The following CAMK2A variants were observed in gnomAD, a reference collection of about 807,000 sequenced individuals.
The protein encoded by CAMK2A is calcium/calmodulin dependent protein kinase II alpha, also known as calcium/calmodulin-dependent protein kinase type II subunit alpha.
In CAMK2A, 7 loss-of-function variants were observed where a neutral mutation model predicts 79.2. That is an observed-to-expected ratio of 0.09 (90% CI 0.05 to 0.17). CAMK2A has a LOEUF of 0.17. Ranked by LOEUF, CAMK2A falls within the 10% of genes least tolerant of loss-of-function variation. The pLI is 1.00. For synonymous variants in CAMK2A, 242 were observed against 251.7 expected (o/e 0.96, Z 0.36); for missense variants, 214 against 646.4 (o/e 0.33, Z 7.25).
chr5:150,250,135 A>G (rs1406505671), intron 11 of CAMK2A, 91 bp downstream of exon 11: 1 of 924,722 alleles, frequency 1.1e-6, no homozygotes, highest in Non-Finnish European at 1.8e-6. Context: ...TCAATGAAGG[A>G]AAGAATTAGT....
chr5:150,260,043 G>A (rs183526039), intron 3 of CAMK2A, among the ~76,000 whole-genome samples: 9 of 152,164 alleles, frequency 5.9e-5, no homozygotes, highest in African/African-American at 2.2e-4. Context: ...CCACTACCTA[G>A]GTTCTATCAT....
intron 12 of CAMK2A, among the ~76,000 whole-genome samples, chr5:150,246,709 T>A (rs1580917158): frequency 6.6e-6 from 1 of 152,040 alleles, no homozygotes; most frequent in Admixed American, 6.5e-5. Flanking sequence ...AGGGAGAGGG[T>A]GGGAAGGCAG....
intron 12 of CAMK2A, among the ~76,000 whole-genome samples, chr5:150,247,163 C>A (rs1194067643): frequency 2.0e-5 from 3 of 152,272 alleles, no homozygotes; most frequent in Non-Finnish European, 2.9e-5. Flanking sequence ...CTGGGACGCT[C>A]CTGCCCTGGA....
intron 2 of CAMK2A, among the ~76,000 whole-genome samples, chr5:150,269,999 G>A (rs1756674402): frequency 6.6e-6 from 1 of 152,160 alleles, no homozygotes; most frequent in Non-Finnish European, 1.5e-5. Context: ...CTGGAGAGTG[G>A]GGCCTGTGGA....
intron 1 of CAMK2A, among the ~76,000 whole-genome samples, chr5:150,285,245 C>A (rs1452321413): frequency 6.6e-6 from 1 of 152,216 alleles, no homozygotes; most frequent in Admixed American, 6.5e-5. Context: ...TCCACCTCCT[C>A]AAGCTGCGGT....
chr5:150,268,142 T>G (rs555296131), intron 2 of CAMK2A, among the ~76,000 whole-genome samples: 4 of 152,294 alleles, frequency 2.6e-5, no homozygotes, highest in African/African-American at 4.8e-5. Flanking sequence ...CCTCCCAAAG[T>G]GCTGGGATTA....
intron 12 of CAMK2A, among the ~76,000 whole-genome samples, chr5:150,245,652 G>C (rs1755536752): frequency 6.6e-6 from 1 of 152,200 alleles, no homozygotes; most frequent in African/African-American, 2.4e-5. Flanking sequence ...TGTCAGCCCT[G>C]CCTACTCACT....
At chr5:150,277,277 T>C (rs1756988712) in intron 1 of CAMK2A, among the ~76,000 whole-genome samples, 1 of 152,242 alleles carries the variant, frequency 6.6e-6, no homozygotes, top group African/African-American at 2.4e-5. Flanking sequence ...CCTCTGGGTG[T>C]AGGCCCAGGG....
At chr5:150,255,533 G>A (rs1481307889) in intron 6 of CAMK2A, among the ~76,000 whole-genome samples, 1 of 152,242 alleles carries the variant, frequency 6.6e-6, no homozygotes, top group Non-Finnish European at 1.5e-5. Flanking sequence ...AGTCCGTCTA[G>A]GGCTCTTCCA....
At chr5:150,266,005 G>A (rs1210700877) in intron 2 of CAMK2A, among the ~76,000 whole-genome samples, 1 of 152,122 alleles carries the variant, frequency 6.6e-6, no homozygotes, top group Non-Finnish European at 1.5e-5. Context: ...GAATGAATGT[G>A]CCTTTCTAAG....
At chr5:150,288,786 A>G (rs372766224) in intron 1 of CAMK2A, among the ~76,000 whole-genome samples, 1 of 152,068 alleles carries the variant, frequency 6.6e-6, no homozygotes, top group South Asian at 2.1e-4. Flanking sequence ...GGCCACCCAC[A>G]AGGGCCTCCC....
At chr5:150,280,514 T>C (rs1757166294) in intron 1 of CAMK2A, among the ~76,000 whole-genome samples, 1 of 152,000 alleles carries the variant, frequency 6.6e-6, no homozygotes, top group Admixed American at 6.6e-5. Flanking sequence ...CCAGAACAAA[T>C]GTCCGACATC....
At chr5:150,278,419 C>A (rs1177709087) in intron 1 of CAMK2A, among the ~76,000 whole-genome samples, 1 of 151,520 alleles carries the variant, frequency 6.6e-6, no homozygotes, top group East Asian at 1.9e-4. Context: ...TCTTGTCCTG[C>A]ATGAACAAGT....
At chr5:150,226,087 A>C (rs182052342) in intron 17 of CAMK2A, among the ~76,000 whole-genome samples, 47 of 152,222 alleles carry the variant, frequency 3.1e-4, no homozygotes, top group Non-Finnish European at 3.2e-4. Context: ...AATTCATTTG[A>C]TTTATTAAAG....
intron 2 of CAMK2A, among the ~76,000 whole-genome samples, chr5:150,271,392 G>A (rs560203715): frequency 1.3e-5 from 2 of 152,286 alleles, no homozygotes; most frequent in Admixed American, 6.5e-5. Context: ...TGAGCTCCCA[G>A]CAACACTGAG....
intron 13 of CAMK2A, among the ~76,000 whole-genome samples, chr5:150,243,189 C>A (rs55975029): frequency 0.27 from 41,796 of 152,084 alleles, 6,090 homozygotes; most frequent in East Asian, 0.46. Context: ...CCTTGCCCAG[C>A]CTCTACCAGG....
chr5:150,245,129 C>T (rs1362283304), intron 13 of CAMK2A, 32 bp downstream of exon 13: 3 of 1,610,068 alleles, frequency 1.9e-6, no homozygotes, highest in Non-Finnish European at 2.5e-6. Context: ...GCTGCCAGAG[C>T]CAAGCCCTGC....
intron 11 of CAMK2A, among the ~76,000 whole-genome samples, chr5:150,249,721 TA>T (rs1755742655): frequency 6.6e-6 from 1 of 152,154 alleles, no homozygotes; most frequent in African/African-American, 2.4e-5. Context: ...CTAATTTTTG[TA>T]TTTTTGGTAG....
intron 13 of CAMK2A, among the ~76,000 whole-genome samples, chr5:150,243,553 T>C (rs1289167666): frequency 6.6e-6 from 1 of 152,246 alleles, no homozygotes; most frequent in Non-Finnish European, 1.5e-5. Context: ...GCCTGTTAAC[T>C]TTATAAATTA....
Sources: gnomAD v4.1 joint callset for allele counts (sites outside exome capture counted in the v4.1 genomes callset) on GRCh38, gnomAD v4.1.1 for gene constraint, MANE v1.5 for transcripts, NCBI Gene and HGNC (gene_info 2026-07-23, HGNC 2026-07-21) for gene names.